SKAP2: variants seen among roughly 807,000 people sequenced by gnomAD.
The protein encoded by SKAP2 is src kinase-associated phosphoprotein 2.
A neutral mutation model predicts 54.9 loss-of-function variants in SKAP2; 28 were observed. The observed-to-expected ratio is 0.51, with a 90% confidence interval of 0.38 to 0.70. SKAP2 has a LOEUF of 0.70. Among genes scored for constraint, SKAP2 ranks in the 30% least tolerant of loss-of-function variants. The probability of loss-of-function intolerance (pLI) is 0.00; values close to 1 mark genes in which losing one functional copy is unlikely to be tolerated. For synonymous variants in SKAP2, 137 were observed against 134.3 expected (o/e 1.02, Z -0.14); for missense variants, 356 against 424.1 (o/e 0.84, Z 1.41).
intron 4 of SKAP2, among the ~76,000 whole-genome samples, chr7:26,833,951 A>G (rs1784653365): frequency 6.6e-6 from 1 of 152,216 alleles, no homozygotes; most frequent in African/African-American, 2.4e-5. Flanking sequence ...ATTGGAAGTA[A>G]AACACTCCTC....
intron 6 of SKAP2, among the ~76,000 whole-genome samples, chr7:26,730,510 ATT>A (rs1329199326): frequency 6.6e-6 from 1 of 152,046 alleles, no homozygotes; most frequent in African/African-American, 2.4e-5. Context: ...TAAACATAAC[ATT>A]TTTTTCTTAA....
At chr7:26,794,696 G>A (rs984355248) in intron 4 of SKAP2, among the ~76,000 whole-genome samples, 26 of 152,062 alleles carry the variant, frequency 1.7e-4, no homozygotes, top group African/African-American at 5.5e-4. Context: ...GTAAAAAGGT[G>A]GATATCTTGT....
intron 6 of SKAP2, among the ~76,000 whole-genome samples, chr7:26,730,541 A>G (rs182355435): frequency 6.6e-6 from 1 of 152,288 alleles, no homozygotes; most frequent in East Asian, 1.9e-4. Context: ...CATTTTGAGT[A>G]TTAGTTTTTA....
intron 6 of SKAP2, among the ~76,000 whole-genome samples, chr7:26,734,026 T>G (rs1022522620): frequency 6.6e-6 from 1 of 152,088 alleles, no homozygotes; most frequent in African/African-American, 2.4e-5. Context: ...AAACACACAA[T>G]AGTTTAGAAC....
intron 4 of SKAP2, among the ~76,000 whole-genome samples, chr7:26,764,801 T>C (rs1472212004): frequency 6.6e-6 from 1 of 152,086 alleles, no homozygotes; most frequent in Non-Finnish European, 1.5e-5. Flanking sequence ...TCCGCCCACC[T>C]CGGCCTCCCA....
intron 9 of SKAP2, among the ~76,000 whole-genome samples, chr7:26,710,181 A>T (rs1005516438): frequency 6.6e-6 from 1 of 152,216 alleles, no homozygotes; most frequent in Non-Finnish European, 1.5e-5. Context: ...GCACTTGGTC[A>T]AGTACTCTGG....
At chr7:26,741,563 TAAATAAATAAATA>T (rs1562593915) in intron 4 of SKAP2, among the ~76,000 whole-genome samples, 1 of 98,800 alleles carries the variant, frequency 1.0e-5, no homozygotes, top group Non-Finnish European at 2.2e-5. Context: ...AATAAATAAA[TAAATAAATAAATA>T]AATTAATAAA....
chr7:26,803,218 C>T (rs1783952402), intron 4 of SKAP2, among the ~76,000 whole-genome samples: 1 of 152,004 alleles, frequency 6.6e-6, no homozygotes, highest in Admixed American at 6.5e-5. Flanking sequence ...GCAAAATACC[C>T]CTCTGACAAG....
At chr7:26,857,478 A>T (rs1035556358) in intron 1 of SKAP2, 2 of 985,268 alleles carry the variant, frequency 2.0e-6, no homozygotes, top group East Asian at 1.1e-4. Context: ...GAATGAAACC[A>T]GCCTCTTCCA....
chr7:26,829,103 T>G (rs558865922), intron 4 of SKAP2, among the ~76,000 whole-genome samples: 1 of 152,198 alleles, frequency 6.6e-6, no homozygotes, highest in South Asian at 2.1e-4. Flanking sequence ...ATGCAAAACT[T>G]TTGTGCTTCA....
At chr7:26,746,712 C>T (rs970239292) in intron 4 of SKAP2, 2 of 151,044 alleles carry the variant, frequency 1.3e-5, no homozygotes, top group African/African-American at 4.9e-5. Context: ...TCAATCATCT[C>T]CAAAGCCCTC....
intron 4 of SKAP2, among the ~76,000 whole-genome samples, chr7:26,806,480 TAGG>T (rs1784026221): frequency 6.6e-6 from 1 of 152,106 alleles, no homozygotes; most frequent in African/African-American, 2.4e-5. Context: ...AGGAAACAGG[TAGG>T]AGAAGCCCTT....
chr7:26,851,721 A>T (rs201855655), intron 3 of SKAP2, among the ~76,000 whole-genome samples: 25,625 of 141,090 alleles, frequency 0.18, 2,657 homozygotes, highest in Non-Finnish European at 0.24. Flanking sequence ...ATAATAATTA[A>T]AAAAAAAAAA....
At chr7:26,846,388 A>T (rs1249009702) in intron 3 of SKAP2, among the ~76,000 whole-genome samples, 1 of 152,196 alleles carries the variant, frequency 6.6e-6, no homozygotes, top group African/African-American at 2.4e-5. Flanking sequence ...TTTTAAAATT[A>T]GAAGTAGTTT....
intron 4 of SKAP2, among the ~76,000 whole-genome samples, chr7:26,843,670 TC>T (rs1784862375): frequency 6.6e-6 from 1 of 151,902 alleles, no homozygotes; most frequent in Non-Finnish European, 1.5e-5. Flanking sequence ...AGATCAAAAA[TC>T]TTTTTTATTA....
intron 9 of SKAP2, among the ~76,000 whole-genome samples, chr7:26,713,816 G>T (rs1456514112): frequency 6.6e-6 from 1 of 152,106 alleles, no homozygotes; most frequent in Non-Finnish European, 1.5e-5. Context: ...AGCCAGGATG[G>T]TCTCTATCTC....
intron 4 of SKAP2, among the ~76,000 whole-genome samples, chr7:26,764,748 T>C (rs1190718740): frequency 6.6e-6 from 1 of 152,184 alleles, no homozygotes; most frequent in Non-Finnish European, 1.5e-5. Context: ...ACACGGGGTT[T>C]CACTGTGTTA....
intron 4 of SKAP2, among the ~76,000 whole-genome samples, chr7:26,812,858 G>A (rs1292908023): frequency 6.6e-6 from 1 of 151,596 alleles, no homozygotes; most frequent in East Asian, 1.9e-4. Flanking sequence ...AAAAAAGCCT[G>A]TTTTTTTCCG....
At chr7:26,793,406 C>G (rs907831204) in intron 4 of SKAP2, among the ~76,000 whole-genome samples, 22 of 152,266 alleles carry the variant, frequency 1.4e-4, no homozygotes, top group Admixed American at 2.6e-4. Flanking sequence ...ACAAGAGAAG[C>G]CACTTCACCA....
Sources: allele counts gnomAD v4.1 joint callset (sites outside exome capture counted in the v4.1 genomes callset), GRCh38; gene constraint gnomAD v4.1.1; transcripts MANE v1.5; gene names NCBI Gene and HGNC (gene_info 2026-07-23, HGNC 2026-07-21).